The following AKAP13 variants were observed in gnomAD, a reference collection of about 807,000 sequenced individuals.
AKAP13 encodes A-kinase anchor protein 13.
A neutral mutation model predicts 264.5 loss-of-function variants in AKAP13; 80 were observed. The ratio of observed to expected loss-of-function variants is 0.30; its 90% CI spans 0.25 to 0.36. The LOEUF (loss-of-function observed/expected upper bound fraction) is 0.36, where lower values mean the gene tolerates loss of function less well. AKAP13 is among the 10% of genes least tolerant of loss of function. The pLI, the probability that AKAP13 is intolerant of heterozygous loss-of-function variation, is 1.00. For missense variants in AKAP13, 3,712 were observed against 3,435.2 expected (o/e 1.08, Z -2.01); for synonymous variants, 1,380 against 1,250.2 (o/e 1.10, Z -2.19).
At chr15:85,478,684 G>T (rs1303668506) in intron 1 of AKAP13, among the ~76,000 whole-genome samples, 1 of 151,792 alleles carries the variant, frequency 6.6e-6, no homozygotes, top group Non-Finnish European at 1.5e-5. Context: ...TTCATGTCAT[G>T]CCTGCCTCCT....
At chr15:85,457,639 A>G (rs773691239) in intron 1 of AKAP13, among the ~76,000 whole-genome samples, 4 of 152,228 alleles carry the variant, frequency 2.6e-5, no homozygotes, top group Middle Eastern at 3.2e-3. Context: ...AACAAACCAA[A>G]TAATTTGCCT....
chr15:85,734,356 G>T (rs2088280077), intron 30 of AKAP13, among the ~76,000 whole-genome samples: 1 of 152,160 alleles, frequency 6.6e-6, no homozygotes, highest in Non-Finnish European at 1.5e-5. Flanking sequence ...TCACACCATA[G>T]GACTCGTCTA....
At chr15:85,682,884 C>T (rs1597043337) in intron 15 of AKAP13, among the ~76,000 whole-genome samples, 1 of 152,100 alleles carries the variant, frequency 6.6e-6, no homozygotes, top group South Asian at 2.1e-4. Context: ...TCAGGCAGGT[C>T]TCAAACTCCC....
chr15:85,389,099 T>G (rs1000904005), intron 1 of AKAP13, among the ~76,000 whole-genome samples: 1 of 152,200 alleles, frequency 6.6e-6, no homozygotes, highest in Non-Finnish European at 1.5e-5. Context: ...TCATTTAGCT[T>G]ACAGTTCCTG....
intron 8 of AKAP13, chr15:85,619,341 C>G: frequency 1.0e-6 from 1 of 982,750 alleles, no homozygotes; most frequent in Non-Finnish European, 1.2e-6. Flanking sequence ...AGGAGGCTGG[C>G]TAGGGAGGGA....
rs1282135549 is a variant in AKAP13 at position 85,727,697 on chromosome 15, G to A, written c.7087+234G>A. 1.3e-5 allele frequency among the ~76,000 whole-genome samples: 2 copies of A among 152,166 alleles called. No homozygotes were observed. Among genetic ancestry groups the A allele is most frequent in the African/African-American group, 4.8e-5 (2 of 41,420 alleles). ...TCCAGTACTGGATCAAGAGAATATTGATTCTCTTGACTCAGGATCCGTGTT... is the reference window on the plus strand; with the variant it reads ...TCCAGTACTGGATCAAGAGAATATTAATTCTCTTGACTCAGGATCCGTGTT... On this transcript the variant is annotated intron_variant, in intron 29 of 36. Coordinates refer to ENST00000394518, the MANE Select transcript of AKAP13 (RefSeq NM_007200.5). This position sits in a 1 kb window ranked among gnomAD's most constrained non-coding sequence, Gnocchi z 5.3.
chr15:85,668,857 C>T lies in AKAP13; in HGVS notation c.4993-865C>T, dbSNP rs372641722. Among the ~76,000 whole-genome samples, 192 of 150,342 alleles carry T rather than the reference C, an allele frequency of 1.3e-3. 1 individual carries two copies. Among genetic ancestry groups the T allele is most frequent in the South Asian group, 3.6e-3 (17 of 4,732 alleles). On this transcript the variant is annotated intron_variant, in intron 13 of 36. Coordinates refer to ENST00000394518, the MANE Select transcript of AKAP13 (RefSeq NM_007200.5). ...ACTCAGGAGGCTGAGGCGGGAGAAT[C>T]GCTTGAACCTGGGAGGCAGAGGTTG... is the stretch of plus-strand genomic sequence containing the variant.
intron 10 of AKAP13, among the ~76,000 whole-genome samples, chr15:85,650,775 AAAAAAAAAAAAAAAAC>A (rs1567175424): frequency 1.4e-4 from 20 of 143,504 alleles, no homozygotes; most frequent in Admixed American, 4.2e-4. Context: ...AAAAAAAAAA[AAAAAAAAAAAAAAAAC>A]AACAAAAACT....
intron 15 of AKAP13, among the ~76,000 whole-genome samples, chr15:85,682,522 C>A (rs897655923): frequency 3.3e-5 from 5 of 152,126 alleles, no homozygotes; most frequent in African/African-American, 1.2e-4. Flanking sequence ...ATTCCTAAAT[C>A]TAACAGTCTA....
At chr15:85,704,719 A>G (rs2086131457) in intron 17 of AKAP13, among the ~76,000 whole-genome samples, 2 of 152,246 alleles carry the variant, frequency 1.3e-5, no homozygotes, top group African/African-American at 4.8e-5. Flanking sequence ...ATAAAAGGCC[A>G]GATAATTATT....
At chr15:85,685,490 C>CTGTGTCTG (rs2084856933) in intron 16 of AKAP13, 1 of 134,324 alleles carries the variant, frequency 7.4e-6, no homozygotes, top group Non-Finnish European at 1.7e-5. Flanking sequence ...GTGTGTGTGT[C>CTGTGTCTG]TGTGTGTGTG....
chr15:85,730,638 G>A lies in AKAP13; in HGVS notation c.7213G>A (p.Val2405Ile). 2 of 1,614,132 alleles carry A rather than the reference G, an allele frequency of 1.2e-6. No individual in the cohort carries two copies. The highest frequency in any genetic ancestry group is 1.7e-6 in the Non-Finnish European group (2 of 1,180,010). Residue 2405 changes from valine to isoleucine, a missense_variant, in exon 30 of 37, where the codon GTT becomes ATT. This residue lies in a region of AKAP13 where 611 missense variants were observed against 539.3 expected (regional missense o/e 1.13). Transcript: ENST00000394518. ...TTGCTCCCCAACACATAGCCCTAGA[G>A]TTCTCTTCCGCTCCAACACAGAAGA... ...EDCSPTHSPR[V>I]LFRSNTEEAL...
intron 10 of AKAP13, among the ~76,000 whole-genome samples, chr15:85,648,025 A>AT (rs138560577): frequency 0.29 from 43,056 of 148,284 alleles, 6,387 homozygotes; most frequent in East Asian, 0.38. Flanking sequence ...ATGTTATTTT[A>AT]TTTTTTTTTT....
intron 1 of AKAP13, among the ~76,000 whole-genome samples, chr15:85,466,983 A>G (rs541823620): frequency 1.8e-4 from 28 of 151,968 alleles, no homozygotes; most frequent in Middle Eastern, 3.4e-3. Flanking sequence ...CCCAGCATGG[A>G]CCATTATATC....
Position 85,724,816 on chromosome 15 carries a change from T to A in AKAP13, c.6745+1496T>A, listed in dbSNP as rs2087507701. Reference sequence around the variant, plus strand: ...GGGGAAGAGCTCATCTGGGCCTGCATTGTAGCAGAAGGCATAAAAAAGAAG... The same window carrying A: ...GGGGAAGAGCTCATCTGGGCCTGCAATGTAGCAGAAGGCATAAAAAAGAAG... On this transcript the variant is annotated intron_variant, in intron 26 of 36. Coordinates refer to ENST00000394518, the MANE Select transcript of AKAP13 (RefSeq NM_007200.5). This position sits in a 1 kb window ranked among gnomAD's most constrained non-coding sequence, Gnocchi z 4.2. Among the ~76,000 whole-genome samples, 2 of 151,854 alleles carry A rather than the reference T, an allele frequency of 1.3e-5. No homozygotes were observed. The highest frequency in any genetic ancestry group is 2.9e-5 in the Non-Finnish European group (2 of 67,954).
intron 17 of AKAP13, among the ~76,000 whole-genome samples, chr15:85,695,510 A>G (rs2151645516): frequency 6.6e-6 from 1 of 152,350 alleles, no homozygotes; most frequent in Admixed American, 6.5e-5. Context: ...AGTTACAGCT[A>G]GCACACAGCC....
At chr15:85,710,746 G>C (rs1362360366) in intron 19 of AKAP13, 101 bp downstream of exon 19, 4 of 1,311,468 alleles carry the variant, frequency 3.1e-6, no homozygotes, top group Admixed American at 2.2e-5. Flanking sequence ...GTCAAGATAT[G>C]AATACCTATT....
intron 1 of AKAP13, among the ~76,000 whole-genome samples, chr15:85,421,783 T>C (rs1411578890): frequency 6.6e-6 from 1 of 152,270 alleles, no homozygotes; most frequent in African/African-American, 2.4e-5. Flanking sequence ...CTTATTATTG[T>C]TTTTCATTTT....
At chr15:85,740,296 C>T in intron 34 of AKAP13, 24 bp downstream of exon 34, 1 of 1,613,204 alleles carries the variant, frequency 6.2e-7, no homozygotes, top group Non-Finnish European at 8.5e-7. Flanking sequence ...TCTTCCATCC[C>T]TGCGTTTATT....
Sources: allele counts gnomAD v4.1 joint callset (sites outside exome capture counted in the v4.1 genomes callset), GRCh38; gene constraint gnomAD v4.1.1; regional missense constraint gnomAD v4.1.1; non-coding constraint Gnocchi (gnomAD v3.1); transcripts MANE v1.5; gene names NCBI Gene and HGNC (gene_info 2026-07-23, HGNC 2026-07-21).